C11orf65: variants seen among roughly 807,000 people sequenced by gnomAD.
C11orf65 encodes protein MFI.
In C11orf65, 38 loss-of-function variants were observed where a neutral mutation model predicts 35.3. That is an observed-to-expected ratio of 1.08 (90% CI 0.83 to 1.41). C11orf65 has a LOEUF of 1.41. C11orf65 is among the 40% of genes most tolerant of loss of function. The pLI is 0.00. For synonymous variants in C11orf65, 105 were observed against 114.4 expected (o/e 0.92, Z 0.53); for missense variants, 370 against 367.1 (o/e 1.01, Z -0.06).
chr11:108,379,515 T>C (rs2091817484), downstream of C11orf65, among the ~76,000 whole-genome samples: 1 of 151,110 alleles, frequency 6.6e-6, no homozygotes, highest in Admixed American at 6.6e-5. Context: ...TTAGGAGATA[T>C]ACCTAATGCT....
intron 2 of C11orf65, among the ~76,000 whole-genome samples, chr11:108,335,604 A>G (rs1325548213): frequency 2.6e-5 from 4 of 152,002 alleles, no homozygotes; most frequent in Non-Finnish European, 4.4e-5. Context: ...ATGCCTTCCT[A>G]GGGGGGACTT....
chr11:108,453,118 T>TGC (rs1188248451), intron 2 of C11orf65, among the ~76,000 whole-genome samples: 1 of 1,612 alleles, frequency 6.2e-4, no homozygotes, highest in Non-Finnish European at 7.0e-3. Context: ...CTGCACGTTG[T>TGC]GCATGTACCC....
At chr11:108,461,016 C>A (rs557804567) in intron 2 of C11orf65, among the ~76,000 whole-genome samples, 2 of 152,046 alleles carry the variant, frequency 1.3e-5, no homozygotes, top group African/African-American at 2.4e-5. Context: ...TGAGCCACCA[C>A]GCCCGGCCAA....
At chr11:108,350,405 G>T (rs909852811) in intron 2 of C11orf65, among the ~76,000 whole-genome samples, 1 of 152,166 alleles carries the variant, frequency 6.6e-6, no homozygotes, top group Admixed American at 6.5e-5. Flanking sequence ...TAAGAATAAG[G>T]GGTAGAAGGA....
chr11:108,439,366 C>T (rs765309939), intron 2 of C11orf65, among the ~76,000 whole-genome samples: 2 of 152,166 alleles, frequency 1.3e-5, no homozygotes, highest in Non-Finnish European at 2.9e-5. Context: ...AACTGGAAAC[C>T]TTGTGCATTG....
At chr11:108,415,585 T>TA (rs1335646529) in intron 3 of C11orf65, among the ~76,000 whole-genome samples, 2 of 152,198 alleles carry the variant, frequency 1.3e-5, no homozygotes, top group African/African-American at 2.4e-5. Flanking sequence ...CCCAGGAACT[T>TA]ATTTTGTGTA....
At chr11:108,388,539 A>C (rs566249432) in intron 7 of C11orf65, among the ~76,000 whole-genome samples, 1 of 152,218 alleles carries the variant, frequency 6.6e-6, no homozygotes, top group East Asian at 1.9e-4. Flanking sequence ...ACAAAACTAC[A>C]TATCTTAGAA....
chr11:108,467,346 G>C (rs551436487), intron 1 of C11orf65, 125 bp downstream of exon 1: 2 of 152,454 alleles, frequency 1.3e-5, no homozygotes, highest in African/African-American at 4.8e-5. Context: ...GGGGCGGATG[G>C]GGAATGGTAT....
downstream of C11orf65, among the ~76,000 whole-genome samples, chr11:108,379,194 A>C (rs181802606): frequency 6.6e-6 from 1 of 152,176 alleles, no homozygotes; most frequent in Non-Finnish European, 1.5e-5. Flanking sequence ...TTATTGCCGC[A>C]CTATTCACAA....
Position 108,407,117 on chromosome 11 carries a change from A to C in C11orf65, c.207T>G (p.His69Gln). Reference protein sequence around the residue: ...AELLDAAAGIHVRFRLGGVKF... With the variant: ...AELLDAAAGIQVRFRLGGVKF... ...TTACTCCACCTAATCTGAATCGCACATGAATGCCAGCAGCAGCATCTAGAA... is the reference window on the plus strand; with the variant it reads ...TTACTCCACCTAATCTGAATCGCACCTGAATGCCAGCAGCAGCATCTAGAA... Residue 69 changes from histidine (H) to glutamine (Q), a missense_variant, in exon 4 of 9, where the codon CAT (histidine) becomes CAG (glutamine). Physicochemically the swap from His to Gln is conservative, Grantham distance 24. Coordinates refer to ENST00000393084, the MANE Select transcript of C11orf65 (RefSeq NM_152587.5). 2 of 1,610,676 alleles carry C rather than the reference A, an allele frequency of 1.2e-6. No individual in the cohort carries two copies. The highest frequency in any genetic ancestry group is 1.7e-6 in the Non-Finnish European group (2 of 1,177,720).
intron 7 of C11orf65, among the ~76,000 whole-genome samples, chr11:108,386,575 T>C (rs1591437274): frequency 1.3e-5 from 2 of 151,640 alleles, no homozygotes; most frequent in African/African-American, 4.9e-5. Context: ...TGAGAAGAGG[T>C]AGAATAGGGA....
intron 6 of C11orf65, among the ~76,000 whole-genome samples, chr11:108,402,588 G>T (rs1591474406): frequency 6.6e-6 from 1 of 151,458 alleles, no homozygotes; most frequent in East Asian, 1.9e-4. Context: ...TTTTATTGAG[G>T]TATGGTTGAT....
At chr11:108,315,694 C>G (rs934565125) in intron 6 of C11orf65, 2 of 726,682 alleles carry the variant, frequency 2.8e-6, no homozygotes, top group East Asian at 5.4e-5. Context: ...AGAATCATTA[C>G]ATTTTATTTC....
chr11:108,449,886 A>C (rs2093322304), intron 2 of C11orf65, among the ~76,000 whole-genome samples: 1 of 151,936 alleles, frequency 6.6e-6, no homozygotes, highest in South Asian at 2.1e-4. Flanking sequence ...CAACCTACTC[A>C]TCTGACAAAG....
At chr11:108,328,713 A>T (rs543543575), downstream of C11orf65, among the ~76,000 whole-genome samples, 1 of 152,304 alleles carries the variant, frequency 6.6e-6, no homozygotes, top group South Asian at 2.1e-4. Context: ...TGCAAGAAGA[A>T]TTGCCTTGGG....
intron 2 of C11orf65, among the ~76,000 whole-genome samples, chr11:108,345,242 GA>G (rs999100932): frequency 6.6e-6 from 1 of 152,216 alleles, no homozygotes; most frequent in African/African-American, 2.4e-5. Flanking sequence ...AACAGATTTA[GA>G]AATCATCAGC....
intron 3 of C11orf65, chr11:108,331,616 T>G: frequency 7.0e-7 from 1 of 1,422,982 alleles, no homozygotes; most frequent in Non-Finnish European, 9.3e-7. Context: ...TTACTATATA[T>G]TATATAAAGT....
chr11:108,347,000 ATTTT>A (rs1162083248), intron 2 of C11orf65, among the ~76,000 whole-genome samples: 2 of 152,156 alleles, frequency 1.3e-5, no homozygotes, highest in African/African-American at 4.8e-5. Context: ...AGCCACAATA[ATTTT>A]TTAAGTACTA....
chr11:108,314,428 C>G (rs977131475), intron 6 of C11orf65, among the ~76,000 whole-genome samples: 1 of 149,498 alleles, frequency 6.7e-6, no homozygotes, highest in East Asian at 2.0e-4. Flanking sequence ...TAGGTGTTGA[C>G]AAGATTGTTT....
Sources: gnomAD v4.1 joint callset for allele counts (sites outside exome capture counted in the v4.1 genomes callset) on GRCh38, gnomAD v4.1.1 for gene constraint, MANE v1.5 for transcripts, NCBI Gene and HGNC (gene_info 2026-07-23, HGNC 2026-07-21) for gene names.